The following GRM1 variants were observed in gnomAD, a reference collection of about 807,000 sequenced individuals.
GRM1 encodes metabotropic glutamate receptor 1.
Under a neutral mutation model 90.9 loss-of-function variants are expected in GRM1, and 33 were observed. The ratio of observed to expected loss-of-function variants is 0.36; its 90% CI spans 0.28 to 0.49. GRM1 has a LOEUF of 0.49. Ranked by LOEUF, GRM1 falls within the 20% of genes least tolerant of loss-of-function variation. GRM1 has a pLI of 0.99. For missense variants in GRM1, 1,190 were observed against 1,534.3 expected, an observed-to-expected ratio of 0.78 and a Z score of 3.75; for synonymous variants, 700 against 613.2, an observed-to-expected ratio of 1.14 and a Z score of -2.09.
intron 1 of GRM1, among the ~76,000 whole-genome samples, chr6:146,067,749 C>T (rs1362978695): frequency 1.3e-5 from 2 of 151,806 alleles, no homozygotes; most frequent in South Asian, 2.1e-4. Flanking sequence ...AACAAAACAA[C>T]AAAATAAGTT....
At chr6:146,391,169 T>C (rs1359593405) in intron 6 of GRM1, among the ~76,000 whole-genome samples, 1 of 152,062 alleles carries the variant, frequency 6.6e-6, no homozygotes, top group East Asian at 1.9e-4. Flanking sequence ...GTAAATTTCA[T>C]CCTCCTCCAA....
At chr6:146,107,233 T>C (rs894835079) in intron 1 of GRM1, among the ~76,000 whole-genome samples, 12 of 152,206 alleles carry the variant, frequency 7.9e-5, no homozygotes, top group Non-Finnish European at 1.8e-4. Context: ...AATACTACTA[T>C]TATTGTATAT....
chr6:146,139,289 GC>G (rs1321894047), intron 1 of GRM1, among the ~76,000 whole-genome samples: 1 of 152,152 alleles, frequency 6.6e-6, no homozygotes, highest in Non-Finnish European at 1.5e-5. Flanking sequence ...GTATTCTGGA[GC>G]CATTGGATAA....
At chr6:146,107,566 C>T (rs1775359861) in intron 1 of GRM1, among the ~76,000 whole-genome samples, 1 of 152,152 alleles carries the variant, frequency 6.6e-6, no homozygotes, top group African/African-American at 2.4e-5. Context: ...AGTTGTCCCC[C>T]AAATTCTGAG....
intron 1 of GRM1, among the ~76,000 whole-genome samples, chr6:146,101,815 TTA>T (rs1443970684): frequency 1.3e-5 from 2 of 148,798 alleles, no homozygotes; most frequent in Non-Finnish European, 3.0e-5. Flanking sequence ...AACACTATAA[TTA>T]TATATTATTA....
At chr6:146,180,070 G>A (rs1016264482) in intron 2 of GRM1, among the ~76,000 whole-genome samples, 2 of 151,914 alleles carry the variant, frequency 1.3e-5, no homozygotes, top group African/African-American at 2.4e-5. Context: ...GCTTGAACCT[G>A]GGAGGTCAAG....
intron 1 of GRM1, among the ~76,000 whole-genome samples, chr6:146,065,846 A>C (rs1489009745): frequency 6.6e-6 from 1 of 152,218 alleles, no homozygotes; most frequent in Non-Finnish European, 1.5e-5. Flanking sequence ...TTTCATTAGC[A>C]GAAGTACTAT....
intron 3 of GRM1, among the ~76,000 whole-genome samples, chr6:146,330,090 A>G (rs1179665270): frequency 6.6e-6 from 1 of 152,162 alleles, no homozygotes; most frequent in African/African-American, 2.4e-5. Flanking sequence ...AACCCAGTTG[A>G]CCAAATTGAG....
At chr6:146,293,376 C>CT (rs1321575655) in intron 2 of GRM1, among the ~76,000 whole-genome samples, 1 of 152,014 alleles carries the variant, frequency 6.6e-6, no homozygotes, top group African/African-American at 2.4e-5. Flanking sequence ...GCTGATGTCT[C>CT]TACAGGACTG....
At chr6:146,210,048 T>C (rs1427870712) in intron 2 of GRM1, among the ~76,000 whole-genome samples, 1 of 152,176 alleles carries the variant, frequency 6.6e-6, no homozygotes, top group Non-Finnish European at 1.5e-5. Context: ...TATTTTTGAA[T>C]GCAGGATGGG....
chr6:146,283,756 G>A (rs1014232222), intron 2 of GRM1, among the ~76,000 whole-genome samples: 24 of 152,086 alleles, frequency 1.6e-4, no homozygotes, highest in African/African-American at 5.6e-4. Flanking sequence ...GACCACTTAA[G>A]TAATTTGCCC....
chr6:146,354,262 C>G (rs1383850419), intron 4 of GRM1, among the ~76,000 whole-genome samples: 1 of 152,208 alleles, frequency 6.6e-6, no homozygotes, highest in Non-Finnish European at 1.5e-5. Flanking sequence ...CTAGGAGCAA[C>G]AAGTGAGTCT....
At chr6:146,230,405 T>C (rs1479746199) in intron 2 of GRM1, among the ~76,000 whole-genome samples, 1 of 152,142 alleles carries the variant, frequency 6.6e-6, no homozygotes, top group Non-Finnish European at 1.5e-5. Flanking sequence ...AATAATCATA[T>C]GAAAAGATGC....
At chr6:146,108,494 C>T (rs1775417488) in intron 1 of GRM1, among the ~76,000 whole-genome samples, 1 of 152,164 alleles carries the variant, frequency 6.6e-6, no homozygotes. Flanking sequence ...CACCTTCCGC[C>T]ATGATTGTGA....
chr6:146,265,716 G>A (rs1358697747), intron 2 of GRM1, among the ~76,000 whole-genome samples: 3 of 152,098 alleles, frequency 2.0e-5, no homozygotes, highest in African/African-American at 7.2e-5. Context: ...TATTGTGAGA[G>A]ATAAGGACCC....
chr6:146,383,593 C>A (rs992257757), intron 5 of GRM1, among the ~76,000 whole-genome samples: 1 of 151,984 alleles, frequency 6.6e-6, no homozygotes. Context: ...CAAAAGTTAT[C>A]TGAAAGTAAA....
chr6:146,206,389 A>T (rs915573306), intron 2 of GRM1, among the ~76,000 whole-genome samples: 3 of 152,086 alleles, frequency 2.0e-5, no homozygotes, highest in African/African-American at 7.2e-5. Flanking sequence ...TGGGATCTTG[A>T]TACTGTCAGT....
Position 146,386,882 on chromosome 6 carries a change from T to C in GRM1, c.1603-8T>C, listed in dbSNP as rs1433986371. 5.6e-6 allele frequency: 9 copies of C among 1,601,874 alleles called. No homozygotes were observed. Among genetic ancestry groups the C allele is most frequent in the South Asian group, 1.1e-5 (1 of 90,810 alleles). ...ATCTTTAAAATTCATGAAATATCTA[T>C]GTTATAGGTTATACGGAAAGGAGAA... On this transcript the variant is annotated splice_region_variant and splice_polypyrimidine_tract_variant and intron_variant, in intron 5 of 7. Coordinates refer to ENST00000282753, the MANE Select transcript of GRM1 (RefSeq NM_001278064.2).
At chr6:146,199,178 G>C (rs1010172547) in intron 2 of GRM1, among the ~76,000 whole-genome samples, 3 of 152,236 alleles carry the variant, frequency 2.0e-5, no homozygotes, top group Admixed American at 2.0e-4. Flanking sequence ...GTGTCCACCA[G>C]GCTTCCCATT....
Sources: gnomAD v4.1 joint callset for allele counts (sites outside exome capture counted in the v4.1 genomes callset) on GRCh38, gnomAD v4.1.1 for gene constraint, MANE v1.5 for transcripts, NCBI Gene and HGNC (gene_info 2026-07-23, HGNC 2026-07-21) for gene names.